Variants in LEPR observed in about 807,000 individuals in gnomAD.
The protein encoded by LEPR is OB receptor.
LEPR carries 56 observed loss-of-function variants against 114.7 expected under a neutral mutation model. The ratio of observed to expected loss-of-function variants is 0.49; its 90% CI spans 0.39 to 0.61. The LOEUF (loss-of-function observed/expected upper bound fraction) is 0.61. Ranked by LOEUF, LEPR falls within the 20% of genes least tolerant of loss-of-function variation. The pLI is 0.00. For missense variants in LEPR, 1,202 were observed against 1,352.9 expected, an observed-to-expected ratio of 0.89 and a Z score of 1.75; for synonymous variants, 443 against 461.4, an observed-to-expected ratio of 0.96 and a Z score of 0.51.
At chr1:65,503,475 G>GAAAAATAAT (rs201334318) in intron 2 of LEPR, among the ~76,000 whole-genome samples, 1,978 of 152,178 alleles carry the variant, frequency 0.013, 38 homozygotes, top group African/African-American at 0.045. Flanking sequence ...AGACTAAAGG[G>GAAAAATAAT]AAAAATAATT....
intron 2 of LEPR, among the ~76,000 whole-genome samples, chr1:65,558,526 GTT>G (rs1187502644): frequency 2.6e-4 from 2 of 7,748 alleles, no homozygotes; most frequent in Admixed American, 1.5e-3. Context: ...TGAATCAGAA[GTT>G]TTTTTTTTTG....
intron 11 of LEPR, among the ~76,000 whole-genome samples, chr1:65,606,889 A>G (rs1263033817): frequency 1.3e-5 from 2 of 152,210 alleles, no homozygotes; most frequent in Admixed American, 6.5e-5. Context: ...TTTGTTATCA[A>G]CAGTCAAAAG....
In LEPR at chr1:65,495,773, T is replaced by C. The variant is rs548946243; in HGVS notation, c.-20-69773T>C. 2.6e-5 allele frequency among the ~76,000 whole-genome samples: 4 copies of C among 152,178 alleles called. 1 individual carries two copies. Among genetic ancestry groups the C allele is most frequent in the South Asian group, 4.1e-4 (2 of 4,820 alleles). ...TGGCAACATGAATGAGCTTGGAGGA[T>C]ATATGTTAAGTGGAATAAGCCAAGC... On this transcript the variant is annotated intron_variant, in intron 2 of 19. Coordinates refer to ENST00000349533, the MANE Select transcript of LEPR (RefSeq NM_002303.6).
At chr1:65,440,715 G>A (rs1005158061) in intron 2 of LEPR, among the ~76,000 whole-genome samples, 2 of 152,132 alleles carry the variant, frequency 1.3e-5, no homozygotes, top group Non-Finnish European at 2.9e-5. Context: ...GTGTGTAGGG[G>A]TGGATGGATC....
intron 2 of LEPR, among the ~76,000 whole-genome samples, chr1:65,454,514 A>G (rs1384344493): frequency 2.0e-5 from 3 of 151,802 alleles, no homozygotes; most frequent in Non-Finnish European, 4.4e-5. Context: ...CTTGTCTGTA[A>G]AGTATTTTAT....
intron 1 of LEPR, chr1:65,421,602 A>T: frequency 1.1e-6 from 1 of 915,298 alleles, no homozygotes; most frequent in Non-Finnish European, 1.7e-6. Flanking sequence ...TATATATACG[A>T]GTACGCCTCT....
intron 11 of LEPR, among the ~76,000 whole-genome samples, chr1:65,605,557 G>T (rs1343688243): frequency 6.6e-6 from 1 of 152,058 alleles, no homozygotes; most frequent in Admixed American, 6.5e-5. Flanking sequence ...TTCCAATGTA[G>T]TTATGAAAAC....
chr1:65,482,762 C>A (rs951018544), intron 2 of LEPR, among the ~76,000 whole-genome samples: 2 of 151,980 alleles, frequency 1.3e-5, no homozygotes, highest in African/African-American at 4.8e-5. Flanking sequence ...CCAAGGCAGG[C>A]GTATCACAAG....
At chr1:65,546,788 A>T (rs1286711265) in intron 2 of LEPR, among the ~76,000 whole-genome samples, 4 of 152,276 alleles carry the variant, frequency 2.6e-5, no homozygotes, top group Non-Finnish European at 1.5e-5. Flanking sequence ...TTCCTAGTTG[A>T]ATACCCTTTA....
chr1:65,520,026 G>T (rs1220425865), intron 2 of LEPR, among the ~76,000 whole-genome samples: 1 of 151,978 alleles, frequency 6.6e-6, no homozygotes, highest in Admixed American at 6.6e-5. Flanking sequence ...ACCACGCCCG[G>T]CTAATTTTTT....
Position 65,596,477 on chromosome 1 carries a change from A to G in LEPR, c.733A>G (p.Met245Val). ...GCCTGATCCACCATTAGGTTTGCAT[A>G]TGGAAATCACAGATGATGGTAATTT... Reference protein sequence around the residue: ...VKPDPPLGLHMEITDDGNLKI... With the variant: ...VKPDPPLGLHVEITDDGNLKI... The change falls in exon 7 of 20, where the codon ATG becomes GTG. Residue 245 changes from methionine to valine, a missense_variant. Transcript: ENST00000349533. The G allele has an allele frequency of 8.1e-6, 13 of 1,612,868 alleles. No individual in the cohort carries two copies. Among genetic ancestry groups the G allele is most frequent in the Middle Eastern group, 1.7e-4 (1 of 6,046 alleles).
At chr1:65,448,659 T>C (rs1262102018) in intron 2 of LEPR, among the ~76,000 whole-genome samples, 1 of 152,218 alleles carries the variant, frequency 6.6e-6, no homozygotes, top group Non-Finnish European at 1.5e-5. Flanking sequence ...TTGTGCTTTC[T>C]GTTTTGGAAG....
chr1:65,516,834 GTGC>G (rs1221212201), intron 2 of LEPR, among the ~76,000 whole-genome samples: 3 of 152,184 alleles, frequency 2.0e-5, no homozygotes, highest in Non-Finnish European at 4.4e-5. Context: ...TTAGATGTAA[GTGC>G]CTCTGTACCC....
intron 19 of LEPR, chr1:65,635,289 C>A (rs569053880): frequency 2.0e-6 from 2 of 979,016 alleles, no homozygotes; most frequent in Non-Finnish European, 2.4e-6. Context: ...GTATCAACAG[C>A]TTTTTTTATT....
Position 65,620,021 on chromosome 1 carries a change from A to G in LEPR, c.2489A>G (p.Gln830Arg). ...GKPKIINSFTQDDIEKHQSDA... is the reference protein window; with the variant it reads ...GKPKIINSFTRDDIEKHQSDA... ...CCAAAGATAATTAATAGTTTCACTC[A>G]AGGTAAAAATTATAATTTTAGTTTC... The change falls in exon 17 of 20, where the codon CAA becomes CGA. Residue 830 changes from glutamine to arginine, a missense_variant and splice_region_variant. Gln to Arg is a conservative substitution (Grantham distance 43). Transcript: ENST00000349533. 1 of 1,606,776 alleles carries G rather than the reference A, an allele frequency of 6.2e-7. No individual in the cohort carries two copies. The highest frequency in any genetic ancestry group is 8.5e-7 in the Non-Finnish European group (1 of 1,174,026).
chr1:65,448,771 G>A (rs1646743596), intron 2 of LEPR, among the ~76,000 whole-genome samples: 1 of 152,112 alleles, frequency 6.6e-6, no homozygotes, highest in African/African-American at 2.4e-5. Flanking sequence ...TCAAAAAATT[G>A]GTCCATTTCA....
At chr1:65,588,585 C>T (rs1655476639) in intron 5 of LEPR, among the ~76,000 whole-genome samples, 1 of 152,046 alleles carries the variant, frequency 6.6e-6, no homozygotes, top group Non-Finnish European at 1.5e-5. Context: ...ACCATTGGTA[C>T]TTCCTCCTCC....
chr1:65,550,723 C>A (rs539535670), intron 2 of LEPR, among the ~76,000 whole-genome samples: 1 of 152,222 alleles, frequency 6.6e-6, no homozygotes, highest in African/African-American at 2.4e-5. Flanking sequence ...CGTCTGTCAC[C>A]TCTTTCCTTG....
intron 18 of LEPR, 54 bp from the exon 19 acceptor site, chr1:65,622,852 A>G: frequency 6.3e-7 from 1 of 1,593,922 alleles, no homozygotes; most frequent in Admixed American, 1.7e-5. Flanking sequence ...AACTGTTCAC[A>G]TTTTCAATAT....
Sources: allele counts gnomAD v4.1 joint callset (sites outside exome capture counted in the v4.1 genomes callset), GRCh38; gene constraint gnomAD v4.1.1; transcripts MANE v1.5; gene names NCBI Gene and HGNC (gene_info 2026-07-23, HGNC 2026-07-21).